MN1: variants seen among roughly 807,000 people sequenced by gnomAD.
MN1 encodes MN1 proto-oncogene, transcriptional regulator, also known as transcriptional activator MN1.
Under a neutral mutation model 86.9 loss-of-function variants are expected in MN1, and 19 were observed. The observed-to-expected ratio is 0.22, with a 90% CI of 0.15 to 0.32. MN1 has a LOEUF of 0.32. Ranked by LOEUF, MN1 falls within the 10% of genes least tolerant of loss-of-function variation. The probability of loss-of-function intolerance (pLI) is 1.00; values close to 1 mark genes in which losing one functional copy is unlikely to be tolerated. For synonymous variants in MN1, 928 were observed against 849.6 expected (o/e 1.09, Z -1.60); for missense variants, 1,841 against 1,862.0 (o/e 0.99, Z 0.21).
intron 1 of MN1, among the ~76,000 whole-genome samples, chr22:27,752,924 T>G (rs555964056): frequency 6.6e-6 from 1 of 152,016 alleles, no homozygotes; most frequent in East Asian, 1.9e-4. Flanking sequence ...CAGGCAGGAG[T>G]CACCGGCCCG....
intron 1 of MN1, among the ~76,000 whole-genome samples, chr22:27,782,306 G>A (rs1171378854): frequency 6.6e-6 from 1 of 152,150 alleles, no homozygotes; most frequent in Non-Finnish European, 1.5e-5. Context: ...TGACGCAGGG[G>A]CAGTGGGTCC....
intron 1 of MN1, among the ~76,000 whole-genome samples, chr22:27,786,410 G>A (rs1340366687): frequency 6.6e-6 from 1 of 151,732 alleles, no homozygotes; most frequent in Admixed American, 6.6e-5. Context: ...GAAGTCAAAC[G>A]ATGCATTTCT....
chr22:27,786,238 G>T (rs1933130898), intron 1 of MN1, among the ~76,000 whole-genome samples: 1 of 152,182 alleles, frequency 6.6e-6, no homozygotes, highest in Admixed American at 6.5e-5. Flanking sequence ...GGAAGAGGGG[G>T]GCCCCCCAAA....
chr22:27,759,416 C>A (rs2267113), intron 1 of MN1, among the ~76,000 whole-genome samples: 1 of 152,130 alleles, frequency 6.6e-6, no homozygotes, highest in South Asian at 2.1e-4. Context: ...AAGGTCTACA[C>A]GGCCACCAAC....
At chr22:27,780,350 C>T (rs767957953) in intron 1 of MN1, among the ~76,000 whole-genome samples, 23 of 152,284 alleles carry the variant, frequency 1.5e-4, no homozygotes, top group South Asian at 2.1e-4. Flanking sequence ...GCCCACTCCC[C>T]GTCCTGCCTT....
chr22:27,773,492 T>A (rs2146302839), intron 1 of MN1, among the ~76,000 whole-genome samples: 1 of 152,102 alleles, frequency 6.6e-6, no homozygotes, highest in South Asian at 2.1e-4. Context: ...GAGCCCAGGC[T>A]GGGGCCTCAC....
chr22:27,750,831 A>C lies in MN1; in HGVS notation c.*84T>G, dbSNP rs1264429840. On this transcript the variant is annotated 3_prime_UTR_variant, in exon 2 of 2. Transcript: ENST00000302326. ...GCAATAGTGGCCCTTTCAAATTAAC[A>C]GAGGGGTGGGGTAAGGTTGAGGGGG... 2 of 1,240,070 alleles carry C rather than the reference A, an allele frequency of 1.6e-6. No individual in the cohort carries two copies. Among genetic ancestry groups the C allele is most frequent in the Non-Finnish European group, 2.2e-6 (2 of 913,558 alleles). The allele number at this position is 1,240,070 out of a possible 1,614,324, so 76.8% of individuals were successfully genotyped here.
chr22:27,776,776 C>T (rs1029833819), intron 1 of MN1, among the ~76,000 whole-genome samples: 1 of 152,124 alleles, frequency 6.6e-6, no homozygotes, highest in African/African-American at 2.4e-5. Context: ...ACATACCAGA[C>T]AAAACGACTG....
At position 27,761,241 on chromosome 22, in the gene MN1, T is replaced by C. The variant is rs189395437; in HGVS notation, c.3782-10145A>G. ...TCTCTTTCTCTCTCTCTCTCCCTCA[T>C]GTCTTGCTCTTATTCACCCTCCCTC... On this transcript the variant is annotated intron_variant, in intron 1 of 1. Transcript: ENST00000302326. Among the ~76,000 whole-genome samples, 20 of 150,876 alleles carry C rather than the reference T, an allele frequency of 1.3e-4. No individual in the cohort carries two copies. The East Asian group carries it at 3.8e-3, about 29-fold the overall frequency.
chr22:27,799,475 G>A lies in MN1; in HGVS notation c.1069C>T (p.Pro357Ser). Reference sequence around the variant, plus strand: ...GGTGGCGGCGGCGGCTGCTGCTGTGGCGGCTGCTGCGGGGGCTGCTGCTGA... The same window carrying A: ...GGTGGCGGCGGCGGCTGCTGCTGTGACGGCTGCTGCGGGGGCTGCTGCTGA... ...PPQQQPPQQP[P>S]QQQPPPPPGL... The change falls in exon 1 of 2, where the codon CCA becomes TCA. Residue 357 changes from proline to serine, a missense_variant. Physicochemically the swap from Pro to Ser is moderately conservative, Grantham distance 74. Coordinates refer to ENST00000302326, the MANE Select transcript of MN1 (RefSeq NM_002430.3). 6.9e-7 allele frequency: 1 copy of A among 1,455,386 alleles called. No individual in the cohort carries two copies. The highest frequency in any genetic ancestry group is 9.0e-7 in the Non-Finnish European group (1 of 1,105,512). The allele number at this position is 1,455,386 out of a possible 1,614,324, so 90.2% of individuals were successfully genotyped here.
chr22:27,772,364 C>G (rs1294144621), intron 1 of MN1, among the ~76,000 whole-genome samples: 1 of 152,220 alleles, frequency 6.6e-6, no homozygotes, highest in East Asian at 1.9e-4. Flanking sequence ...CCTGGAAGCA[C>G]TTCGTTACCA....
intron 1 of MN1, among the ~76,000 whole-genome samples, chr22:27,756,168 G>A (rs918116226): frequency 2.0e-5 from 3 of 152,234 alleles, no homozygotes; most frequent in South Asian, 4.1e-4. Context: ...GCTGTGCCTG[G>A]GGTGAAGGGA....
intron 1 of MN1, among the ~76,000 whole-genome samples, chr22:27,779,868 G>A (rs552807027): frequency 6.6e-6 from 1 of 152,272 alleles, no homozygotes; most frequent in South Asian, 2.1e-4. Context: ...CAATGCCTGG[G>A]GGAAGGAGGA....
chr22:27,784,757 G>A (rs1242644701), intron 1 of MN1, among the ~76,000 whole-genome samples: 1 of 152,050 alleles, frequency 6.6e-6, no homozygotes, highest in Non-Finnish European at 1.5e-5. Flanking sequence ...ACCAGGCTGA[G>A]GGCTGAAATC....
Position 27,798,321 on chromosome 22 carries a change from C to G in MN1, c.2223G>C (p.Gly741=). 6.6e-7 allele frequency: 1 copy of G among 1,519,438 alleles called. No individual in the cohort carries two copies. The highest frequency in any genetic ancestry group is 8.8e-7 in the Non-Finnish European group (1 of 1,142,414). 94.1% of individuals were successfully genotyped at this position (1,519,438 alleles called of 1,614,324 possible). A position where few individuals can be genotyped will look rare whatever the true frequency, so the allele number is the denominator to read the frequency against. The change falls in exon 1 of 2, where the codon GGG becomes GGC. Residue 741 remains glycine, a synonymous_variant. Coordinates refer to ENST00000302326, the MANE Select transcript of MN1 (RefSeq NM_002430.3). ...PPPDFATSAL[G]GQPGFPFGAA... is the part of the protein sequence containing the mutation. Reference sequence around the variant, plus strand: ...CACCAAACGGAAAGCCCGGCTGGCCCCCGAGCGCAGACGTAGCAAAGTCCG... The same window carrying G: ...CACCAAACGGAAAGCCCGGCTGGCCGCCGAGCGCAGACGTAGCAAAGTCCG...
rs538990263 is a variant in MN1, at chr22:27,772,889, C to A, written c.3782-21793G>T. Among the ~76,000 whole-genome samples, 820 of 149,472 alleles carry A rather than the reference C, an allele frequency of 5.5e-3. 3 individuals are homozygous for A. The highest frequency in any genetic ancestry group is 0.017 in the Middle Eastern group (5 of 294). ...TCATCATCATCATCATCATCATAAT[C>A]AAGCAGTGTGGCTGGCAGCTGGGGG... On this transcript the variant is annotated intron_variant, in intron 1 of 1. Transcript: ENST00000302326.
intron 1 of MN1, among the ~76,000 whole-genome samples, chr22:27,786,975 G>A (rs575462089): frequency 1.2e-4 from 18 of 152,230 alleles, no homozygotes; most frequent in African/African-American, 4.1e-4. Context: ...TGCCTTTCCC[G>A]GAGGCCTAAC....
chr22:27,798,031 C>A lies in MN1; in HGVS notation c.2513G>T (p.Ser838Ile), dbSNP rs746505688. ...CACGTTGAGGTTGGGGGCCCCGAGG[C>A]TGGCGATCATGTTCTGGCAAGCGGT... ...LSTACQNMIA[S>I]LGAPNLNVTF... The change falls in exon 1 of 2, where the codon AGC (serine) becomes ATC (isoleucine). Residue 838 changes from serine (S) to isoleucine (I), a missense_variant. By Grantham distance (142) the Ser-to-Ile change is moderately radical (BLOSUM62 -2). Coordinates refer to ENST00000302326, the MANE Select transcript of MN1 (RefSeq NM_002430.3). 6.2e-7 allele frequency: 1 copy of A among 1,608,280 alleles called. No homozygotes were observed. Among genetic ancestry groups the A allele is most frequent in the Non-Finnish European group, 8.5e-7 (1 of 1,178,484 alleles).
chr22:27,798,015 G>T lies in MN1; in HGVS notation c.2529C>A (p.Asn843Lys). Reference sequence around the variant, plus strand: ...TCTTCTTGTTGAAGGTCACGTTGAGGTTGGGGGCCCCGAGGCTGGCGATCA... The same window carrying T: ...TCTTCTTGTTGAAGGTCACGTTGAGTTTGGGGGCCCCGAGGCTGGCGATCA... Reference protein sequence around the residue: ...QNMIASLGAPNLNVTFNKKNP... With the variant: ...QNMIASLGAPKLNVTFNKKNP... Residue 843 changes from asparagine (N) to lysine (K), a missense_variant, in exon 1 of 2, where the codon AAC (asparagine) becomes AAA (lysine). Coordinates refer to ENST00000302326, the MANE Select transcript of MN1 (RefSeq NM_002430.3). The T allele has an allele frequency of 1.2e-6, 2 of 1,605,180 alleles. No homozygotes were observed. The highest frequency in any genetic ancestry group is 8.5e-7 in the Non-Finnish European group (1 of 1,177,158).
Sources: gnomAD v4.1 joint callset for allele counts (sites outside exome capture counted in the v4.1 genomes callset) on GRCh38, gnomAD v4.1.1 for gene constraint, MANE v1.5 for transcripts, NCBI Gene and HGNC (gene_info 2026-07-23, HGNC 2026-07-21) for gene names.